The following FRAS1 variants were observed in gnomAD, a reference collection of about 807,000 sequenced individuals.
FRAS1 encodes the protein Fraser extracellular matrix complex subunit 1.
A neutral mutation model predicts 435.2 loss-of-function variants in FRAS1; 290 were observed. The observed-to-expected ratio is 0.67, with a 90% CI of 0.61 to 0.73. The LOEUF is 0.73. Among genes scored for constraint, FRAS1 ranks in the 30% least tolerant of loss-of-function variants. FRAS1 has a pLI of 0.00. For synonymous variants in FRAS1, 1,800 were observed against 1,851.0 expected, an observed-to-expected ratio of 0.97 and a Z score of 0.71; for missense variants, 4,860 against 5,001.5, an observed-to-expected ratio of 0.97 and a Z score of 0.85.
chr4:78,387,803 A>C lies in FRAS1; in HGVS notation c.3975+102A>C, dbSNP rs561823070. 7 of 761,558 alleles carry C rather than the reference A, an allele frequency of 9.2e-6. No individual in the cohort carries two copies. In the East Asian group the frequency reaches 1.9e-4, roughly 21 times the overall value. The allele number at this position is 761,558 out of a possible 1,614,324, so 47.2% of individuals were successfully genotyped here. A position where few individuals can be genotyped will look rare whatever the true frequency, so the allele number is the denominator to read the frequency against. On this transcript the variant is annotated intron_variant, in intron 29 of 73. Transcript: ENST00000512123. Reference sequence around the variant, plus strand: ...TCACAAAGTTAAGATATGGGTAGTCATTCACTTATTCAAATATAACCTATT... The same window carrying C: ...TCACAAAGTTAAGATATGGGTAGTCCTTCACTTATTCAAATATAACCTATT...
chr4:78,361,203 G>A (rs760437547), intron 20 of FRAS1, among the ~76,000 whole-genome samples: 10 of 152,276 alleles, frequency 6.6e-5, no homozygotes, highest in Admixed American at 2.0e-4. Context: ...CACACAGCTG[G>A]GATTGTGCTC....
chr4:78,430,524 G>A (rs1190914633), intron 37 of FRAS1, 107 bp downstream of exon 37: 2 of 1,124,282 alleles, frequency 1.8e-6, no homozygotes, highest in African/African-American at 3.2e-5. Context: ...TTGTGATACA[G>A]ACTATGAGGA....
chr4:78,460,269 C>G (rs1302818331), intron 47 of FRAS1, among the ~76,000 whole-genome samples: 2 of 152,190 alleles, frequency 1.3e-5, no homozygotes, highest in Admixed American at 6.5e-5. Context: ...CTTTAGCGTG[C>G]TGGCCCTCCA....
intron 17 of FRAS1, among the ~76,000 whole-genome samples, 170 bp downstream of exon 17, chr4:78,317,678 G>GA (rs1729334671): frequency 6.6e-6 from 1 of 152,056 alleles, no homozygotes; most frequent in East Asian, 1.9e-4. Flanking sequence ...GGGTTAATCT[G>GA]AAAAAATTTT....
chr4:78,471,092 G>A (rs547067908), intron 51 of FRAS1, among the ~76,000 whole-genome samples: 5 of 152,248 alleles, frequency 3.3e-5, no homozygotes, highest in Admixed American at 1.3e-4. Flanking sequence ...AGGTAAGTGT[G>A]CACAGATGAA....
rs903646703 is a variant in FRAS1, at chr4:78,057,408, C to G, written c.-602C>G. Among the ~76,000 whole-genome samples, 10 of 152,144 alleles carry G rather than the reference C, an allele frequency of 6.6e-5. No homozygotes were observed. The highest frequency in any genetic ancestry group is 1.3e-4 in the Non-Finnish European group (9 of 68,032). ...CGGTGCGGCTGCAGGGCGGGCGAGTCCCCGGAGCTGCCCTCAGCGCTGCAC... is the reference window on the plus strand; with the variant it reads ...CGGTGCGGCTGCAGGGCGGGCGAGTGCCCGGAGCTGCCCTCAGCGCTGCAC... On this transcript the variant is annotated 5_prime_UTR_variant, in exon 1 of 74. Transcript: ENST00000512123. This position sits in a 1 kb window ranked among gnomAD's most constrained non-coding sequence, Gnocchi z 4.2.
rs370360459 is a variant in FRAS1, at chr4:78,432,423, C to A, written c.5036C>A (p.Thr1679Asn). ...ALQYIHDGSS[T>N]REDSMEISVT... ...CAGTATATACATGATGGTTCCTCTA[C>A]CCGGGAAGACAGCATGGAGATCTCA... is the stretch of plus-strand genomic sequence containing the variant. The change falls in exon 38 of 74, where the codon ACC becomes AAC. Residue 1679 changes from threonine to asparagine, a missense_variant. Thr to Asn is a moderately conservative substitution (Grantham distance 65). Transcript: ENST00000512123. 207 of 1,612,120 alleles carry A rather than the reference C, an allele frequency of 1.3e-4. No homozygotes were observed. The highest frequency in any genetic ancestry group is 1.6e-4 in the Non-Finnish European group (186 of 1,179,078).
chr4:78,255,234 C>T lies in FRAS1; in HGVS notation c.470-8C>T. Reference sequence around the variant, plus strand: ...CCCCTAGTAATCCTTGTTTCTTTGACCTTCCAGAACCCTGTTCCTATGAAG... The same window carrying T: ...CCCCTAGTAATCCTTGTTTCTTTGATCTTCCAGAACCCTGTTCCTATGAAG... On this transcript the variant is annotated splice_polypyrimidine_tract_variant and splice_region_variant and intron_variant, in intron 5 of 73. Coordinates refer to ENST00000512123, the MANE Select transcript of FRAS1 (RefSeq NM_025074.7). The T allele has an allele frequency of 1.3e-6, 2 of 1,551,794 alleles. No individual in the cohort carries two copies. Among genetic ancestry groups the T allele is most frequent in the Non-Finnish European group, 1.7e-6 (2 of 1,146,988 alleles).
rs771808832 is a variant in FRAS1 at position 78,488,955 on chromosome 4, G to C, written c.8833G>C (p.Gly2945Arg). 1 of 1,613,576 alleles carries C rather than the reference G, an allele frequency of 6.2e-7. No individual in the cohort carries two copies. The highest frequency in any genetic ancestry group is 1.1e-5 in the South Asian group (1 of 91,060). Reference sequence around the variant, plus strand: ...CCTGCATGTCCCTATCACTCGGAGCGGAGACCTGAGCTATGAGTCATCAGT... The same window carrying C: ...CCTGCATGTCCCTATCACTCGGAGCCGAGACCTGAGCTATGAGTCATCAGT... The part of the protein sequence containing the change: ...GVLHVPITRS[G>R]DLSYESSVRC... Residue 2945 changes from glycine (G) to arginine (R), a missense_variant, in exon 59 of 74, where the codon GGA (glycine) becomes CGA (arginine). Gly to Arg is a moderately radical substitution (Grantham distance 125, BLOSUM62 -2). Coordinates refer to ENST00000512123, the MANE Select transcript of FRAS1 (RefSeq NM_025074.7).
intron 29 of FRAS1, among the ~76,000 whole-genome samples, chr4:78,388,955 T>G (rs1160222046): frequency 6.6e-6 from 1 of 152,230 alleles, no homozygotes; most frequent in Non-Finnish European, 1.5e-5. Flanking sequence ...AGCCTCATCT[T>G]AATAAATAAT....
chr4:78,111,616 G>C (rs1405123924), intron 2 of FRAS1, among the ~76,000 whole-genome samples: 4 of 103,682 alleles, frequency 3.9e-5, no homozygotes, highest in Non-Finnish European at 5.7e-5. Context: ...GTCGGGGGAG[G>C]GGGGAGGGAT....
At chr4:78,379,569 C>T in intron 26 of FRAS1, 157 bp from the exon 27 acceptor site, 1 of 712,036 alleles carries the variant, frequency 1.4e-6, no homozygotes, top group East Asian at 2.7e-5. Context: ...AACTCCAGCA[C>T]ACTGTTTATG....
Position 78,540,930 on chromosome 4 carries a change from A to T in FRAS1, c.11845A>T (p.Asn3949Tyr), listed in dbSNP as rs1441994977. 1 of 1,614,022 alleles carries T rather than the reference A, an allele frequency of 6.2e-7. No homozygotes were observed. Among genetic ancestry groups the T allele is most frequent in the East Asian group, 2.2e-5 (1 of 44,878 alleles). The change falls in exon 74 of 74, where the codon AAT becomes TAT. Residue 3949 changes from asparagine (N) to tyrosine (Y), a missense_variant. By Grantham distance (143) the Asn-to-Tyr change is moderately radical (BLOSUM62 -2). Coordinates refer to ENST00000512123, the MANE Select transcript of FRAS1 (RefSeq NM_025074.7). ...AEDILEEYPL[N>Y]TKVEVPKRHP... Reference sequence around the variant, plus strand: ...GGACATTTTGGAAGAATATCCTCTGAATACCAAGGTAGAAGTGCCCAAGAG... The same window carrying T: ...GGACATTTTGGAAGAATATCCTCTGTATACCAAGGTAGAAGTGCCCAAGAG...
chr4:78,115,361 A>T (rs2109949264), intron 2 of FRAS1, among the ~76,000 whole-genome samples: 1 of 152,224 alleles, frequency 6.6e-6, no homozygotes, highest in East Asian at 1.9e-4. Context: ...CTTAGGGAGG[A>T]TTTCCTCTTT....
intron 22 of FRAS1, among the ~76,000 whole-genome samples, chr4:78,369,531 A>C (rs1196977453): frequency 1.3e-5 from 2 of 152,244 alleles, no homozygotes; most frequent in Admixed American, 6.5e-5. Context: ...TTAAGTTCTG[A>C]ACTATAATTC....
At chr4:78,440,864 A>G (rs1367281262) in intron 40 of FRAS1, among the ~76,000 whole-genome samples, 1 of 152,170 alleles carries the variant, frequency 6.6e-6, no homozygotes, top group African/African-American at 2.4e-5. Context: ...AGCTGAACCG[A>G]GGTGGGTGAT....
rs1731169150 is a variant in FRAS1 at position 78,363,831 on chromosome 4, A to G, written c.2576-77A>G. The stretch of plus-strand genomic sequence containing the variant: ...CCAATGTTCTCAGTGTTGGGACTTT[A>G]TTACCCACACTTGGGGTGCTGCTTT... On this transcript the variant is annotated intron_variant, in intron 21 of 73. Coordinates refer to ENST00000512123, the MANE Select transcript of FRAS1 (RefSeq NM_025074.7). 3.3e-6 allele frequency: 5 copies of G among 1,519,572 alleles called. No homozygotes were observed. In the Admixed American group the frequency reaches 9.8e-5, roughly 30 times the overall value. The allele number at this position is 1,519,572 out of a possible 1,614,324, so 94.1% of individuals were successfully genotyped here.
chr4:78,489,963 G>GAAAACAAAA (rs897128523), intron 59 of FRAS1, among the ~76,000 whole-genome samples: 1 of 6,080 alleles, frequency 1.6e-4, no homozygotes, highest in Non-Finnish European at 7.7e-4. Context: ...AAAGCTAGTG[G>GAAAACAAAA]AAAACAAAAA....
intron 47 of FRAS1, among the ~76,000 whole-genome samples, chr4:78,453,804 A>C (rs1210872149): frequency 2.6e-5 from 4 of 152,134 alleles, no homozygotes; most frequent in Non-Finnish European, 5.9e-5. Context: ...CTCAAAAAAA[A>C]AAGACAATCT....
Sources: allele counts gnomAD v4.1 joint callset (sites outside exome capture counted in the v4.1 genomes callset), GRCh38; gene constraint gnomAD v4.1.1; non-coding constraint Gnocchi (gnomAD v3.1); transcripts MANE v1.5; gene names NCBI Gene and HGNC (gene_info 2026-07-23, HGNC 2026-07-21).